CNTN4: variants seen among roughly 807,000 people sequenced by gnomAD.
CNTN4 encodes the protein contactin 4.
In CNTN4, 77 loss-of-function variants were observed where a neutral mutation model predicts 122.5. The ratio of observed to expected loss-of-function variants is 0.63; its 90% CI spans 0.52 to 0.76. CNTN4 has a LOEUF of 0.76. Among genes scored for constraint, CNTN4 ranks in the 30% least tolerant of loss-of-function variants. The pLI, the probability that CNTN4 is intolerant of heterozygous loss-of-function variation, is 0.00. For synonymous variants in CNTN4, 512 were observed against 447.0 expected, an observed-to-expected ratio of 1.15 and a Z score of -1.83; for missense variants, 1,256 against 1,259.1, an observed-to-expected ratio of 1.00 and a Z score of 0.04.
chr3:2,535,497 AGATTTTC>A (rs1189209824), intron 3 of CNTN4, among the ~76,000 whole-genome samples: 1 of 152,130 alleles, frequency 6.6e-6, no homozygotes, highest in Non-Finnish European at 1.5e-5. Context: ...GTAGCTGTTG[AGATTTTC>A]ATTGACGTCA....
intron 14 of CNTN4, 159 bp downstream of exon 14, chr3:2,988,631 G>A: frequency 1.3e-6 from 1 of 748,036 alleles, no homozygotes; most frequent in Non-Finnish European, 2.2e-6. Context: ...ATAATTCTTA[G>A]AAAACTGCTG....
At chr3:2,411,057 C>G (rs1480474017) in intron 3 of CNTN4, among the ~76,000 whole-genome samples, 1 of 152,158 alleles carries the variant, frequency 6.6e-6, no homozygotes. Flanking sequence ...AATACACTCT[C>G]TTCTGTGGTT....
chr3:2,121,904 A>G (rs1458996921), intron 2 of CNTN4, among the ~76,000 whole-genome samples: 4 of 151,814 alleles, frequency 2.6e-5, no homozygotes, highest in South Asian at 2.1e-4. Flanking sequence ...TCTTTATCAC[A>G]CCTGTAATCC....
At chr3:2,425,655 C>T (rs1467274621) in intron 3 of CNTN4, among the ~76,000 whole-genome samples, 2 of 152,060 alleles carry the variant, frequency 1.3e-5, no homozygotes, top group Non-Finnish European at 2.9e-5. Flanking sequence ...TATAAATTAC[C>T]TTGGGCAGTA....
chr3:2,836,682 G>T (rs558217842), intron 7 of CNTN4, among the ~76,000 whole-genome samples: 8 of 151,296 alleles, frequency 5.3e-5, no homozygotes, highest in African/African-American at 1.9e-4. Flanking sequence ...ATAAGTATTT[G>T]CTCAAAATAT....
intron 3 of CNTN4, among the ~76,000 whole-genome samples, chr3:2,388,957 A>T (rs1257797446): frequency 6.6e-6 from 1 of 152,086 alleles, no homozygotes; most frequent in African/African-American, 2.4e-5. Context: ...CAGGAGTTCG[A>T]GACCAGCCTG....
rs567583608 is a variant in CNTN4 at position 2,590,022 on chromosome 3, G to T, written c.55+18464G>T. On this transcript the variant is annotated intron_variant, in intron 4 of 24. Coordinates refer to ENST00000418658, the MANE Select transcript of CNTN4 (RefSeq NM_175607.3). ...AAATAAGTTCTATATTTTAGAAGGG[G>T]GAGTGTCAAAGAATATTTGGACGTA... Among the ~76,000 whole-genome samples, 2 of 152,144 alleles carry T rather than the reference G, an allele frequency of 1.3e-5. 1 individual carries two copies. The highest frequency in any genetic ancestry group is 1.3e-4 in the Admixed American group (2 of 15,268).
intron 2 of CNTN4, among the ~76,000 whole-genome samples, chr3:2,170,210 C>T (rs1017250845): frequency 6.6e-6 from 1 of 151,638 alleles, no homozygotes; most frequent in African/African-American, 2.4e-5. Context: ...GTCCCAGCTA[C>T]TCGGGAGGCT....
At chr3:2,265,795 G>A (rs2149783543) in intron 2 of CNTN4, among the ~76,000 whole-genome samples, 1 of 150,072 alleles carries the variant, frequency 6.7e-6, no homozygotes, top group Admixed American at 6.7e-5. Context: ...CCATGTCTTT[G>A]GTTAAATGGA....
At chr3:2,867,360 G>A (rs974507067) in intron 8 of CNTN4, among the ~76,000 whole-genome samples, 13 of 152,124 alleles carry the variant, frequency 8.5e-5, no homozygotes, top group Admixed American at 2.6e-4. Flanking sequence ...AGTACTGAAC[G>A]CATAGTTCCC....
At chr3:2,354,045 C>G (rs573807979) in intron 3 of CNTN4, among the ~76,000 whole-genome samples, 140 of 152,188 alleles carry the variant, frequency 9.2e-4, no homozygotes, top group African/African-American at 3.3e-3. Context: ...TATGACGTAA[C>G]CTAAAGTAGG....
Position 2,146,888 on chromosome 3 carries a change from G to A in CNTN4, c.-145+46249G>A, listed in dbSNP as rs1270475068. Among the ~76,000 whole-genome samples the A allele has an allele frequency of 2.6e-5, 4 of 151,842 alleles. No homozygotes were observed. In the East Asian group the frequency reaches 7.8e-4, roughly 29 times the overall value. ...TTCCATAGTTTTTTGTTGTTGTTTT[G>A]TTTTGTTTTTTTGAGACGGAGGCTC... On this transcript the variant is annotated intron_variant, in intron 2 of 24. Transcript: ENST00000418658.
chr3:2,189,646 C>A (rs1304517496), intron 2 of CNTN4, among the ~76,000 whole-genome samples: 3 of 152,152 alleles, frequency 2.0e-5, no homozygotes, highest in African/African-American at 7.2e-5. Context: ...GGGGCTGGAG[C>A]CCCATTCTGA....
intron 4 of CNTN4, among the ~76,000 whole-genome samples, chr3:2,679,354 C>G (rs1180854060): frequency 6.6e-6 from 1 of 152,058 alleles, no homozygotes; most frequent in Non-Finnish European, 1.5e-5. Flanking sequence ...TATGTGGCAG[C>G]TCGTACTGAA....
chr3:3,037,844 C>G (rs921220682), intron 18 of CNTN4, among the ~76,000 whole-genome samples: 2 of 152,194 alleles, frequency 1.3e-5, no homozygotes, highest in East Asian at 3.8e-4. Flanking sequence ...CGTGCTCATT[C>G]GAACAAGACC....
chr3:2,535,199 G>A (rs2077754066), intron 3 of CNTN4, among the ~76,000 whole-genome samples: 1 of 152,092 alleles, frequency 6.6e-6, no homozygotes, highest in African/African-American at 2.4e-5. Flanking sequence ...AACAAAAATA[G>A]AGCAAGTTTA....
At chr3:2,108,750 T>C (rs891129834) in intron 2 of CNTN4, among the ~76,000 whole-genome samples, 8 of 152,310 alleles carry the variant, frequency 5.3e-5, no homozygotes, top group Non-Finnish European at 1.2e-4. Flanking sequence ...AATCACTTCG[T>C]TTAGTGATGG....
chr3:2,552,922 C>T (rs555062470), intron 3 of CNTN4, among the ~76,000 whole-genome samples: 24 of 152,202 alleles, frequency 1.6e-4, no homozygotes, highest in African/African-American at 5.3e-4. Flanking sequence ...AGTAGGCACC[C>T]GGAGACTAGA....
intron 19 of CNTN4, chr3:3,039,754 T>A (rs1320915242): frequency 4.8e-6 from 2 of 416,458 alleles, no homozygotes; most frequent in Admixed American, 7.2e-5. Context: ...TCCAGTGTTT[T>A]TTTTTTTACA....
Sources: gnomAD v4.1 joint callset for allele counts (sites outside exome capture counted in the v4.1 genomes callset) on GRCh38, gnomAD v4.1.1 for gene constraint, MANE v1.5 for transcripts, NCBI Gene and HGNC (gene_info 2026-07-23, HGNC 2026-07-21) for gene names.